ENPP6: variants seen among roughly 807,000 people sequenced by gnomAD.
ENPP6 encodes glycerophosphocholine cholinephosphodiesterase ENPP6.
In ENPP6, 32 loss-of-function variants were observed where a neutral mutation model predicts 42.0. The observed-to-expected ratio is 0.76, with a 90% CI of 0.58 to 1.02. The LOEUF (loss-of-function observed/expected upper bound fraction) is 1.02. Ranked by LOEUF, ENPP6 falls within the 50% of genes least tolerant of loss-of-function variation. The pLI is 0.00. For synonymous variants in ENPP6, 213 were observed against 216.0 expected (o/e 0.99, Z 0.12); for missense variants, 552 against 566.8 (o/e 0.97, Z 0.27).
intron 1 of ENPP6, among the ~76,000 whole-genome samples, chr4:184,198,752 C>T (rs1732843473): frequency 6.6e-6 from 1 of 152,218 alleles, no homozygotes; most frequent in South Asian, 2.1e-4. Context: ...GAGCAAGTCT[C>T]ATTAGATCTG....
In ENPP6 at chr4:184,213,438, C is replaced by T. The variant is rs1265030316; in HGVS notation, c.241+4141G>A. ...TCAAAAAGTGGGCGAAGGACATGAA[C>T]AGACACTTCTCAAAAGAAGACATTT... On this transcript the variant is annotated intron_variant, in intron 1 of 7. Transcript: ENST00000296741. 2.0e-3 allele frequency among the ~76,000 whole-genome samples: 299 copies of T among 152,216 alleles called. 2 individuals are homozygous for T. The highest frequency in any genetic ancestry group is 7.0e-3 in the African/African-American group (290 of 41,502).
At chr4:184,106,864 C>G (rs1289347575) in intron 6 of ENPP6, among the ~76,000 whole-genome samples, 1 of 152,340 alleles carries the variant, frequency 6.6e-6, no homozygotes, top group East Asian at 1.9e-4. Flanking sequence ...CACATATCTG[C>G]TGGTTCGCTA....
At chr4:184,091,424 C>T (rs1477940183) in intron 7 of ENPP6, 42 bp from the exon 8 acceptor site, 1 of 1,561,958 alleles carries the variant, frequency 6.4e-7, no homozygotes, top group South Asian at 1.2e-5. Context: ...ATGGCAGCTC[C>T]AGGGCAGAGG....
intron 3 of ENPP6, 28 bp from the exon 4 acceptor site, chr4:184,117,928 G>A (rs1261478385): frequency 2.5e-6 from 4 of 1,609,120 alleles, no homozygotes; most frequent in Admixed American, 3.4e-5. Context: ...AGAGGCATAG[G>A]TGAGGGAGGC....
At chr4:184,194,859 C>T (rs748774790) in intron 1 of ENPP6, among the ~76,000 whole-genome samples, 8 of 152,114 alleles carry the variant, frequency 5.3e-5, no homozygotes, top group African/African-American at 1.4e-4. Flanking sequence ...TTGGTGGGAA[C>T]GAGTATGGAG....
At chr4:184,169,351 G>T (rs1469992240) in intron 1 of ENPP6, among the ~76,000 whole-genome samples, 1 of 148,880 alleles carries the variant, frequency 6.7e-6, no homozygotes. Context: ...GGGAAGAAAT[G>T]TCCCCATGTG....
intron 2 of ENPP6, among the ~76,000 whole-genome samples, chr4:184,126,598 A>C (rs1291281812): frequency 6.6e-6 from 1 of 152,246 alleles, no homozygotes; most frequent in Non-Finnish European, 1.5e-5. Context: ...GACATACATC[A>C]GAGTGGAAAG....
chr4:184,095,663 A>T (rs574273875), intron 7 of ENPP6, among the ~76,000 whole-genome samples: 5,571 of 147,866 alleles, frequency 0.038, 270 homozygotes, highest in African/African-American at 0.12. Context: ...TCAAAAAAAA[A>T]AAATATATCT....
chr4:184,108,658 T>C (rs1736144260), intron 6 of ENPP6, among the ~76,000 whole-genome samples: 1 of 152,230 alleles, frequency 6.6e-6, no homozygotes, highest in Non-Finnish European at 1.5e-5. Flanking sequence ...GGTGTCTTAA[T>C]AATAAAAATT....
intron 1 of ENPP6, among the ~76,000 whole-genome samples, chr4:184,196,220 C>T (rs1343054045): frequency 2.0e-5 from 3 of 152,236 alleles, no homozygotes; most frequent in East Asian, 1.9e-4. Context: ...AAATAACTGT[C>T]GCCTCAGCGA....
chr4:184,149,214 G>A (rs555650731), intron 2 of ENPP6, among the ~76,000 whole-genome samples: 52 of 152,198 alleles, frequency 3.4e-4, no homozygotes, highest in Middle Eastern at 6.8e-3. Flanking sequence ...GTTTACTCAC[G>A]CCTCTGTATG....
chr4:184,148,428 A>G (rs1465606983), intron 2 of ENPP6, among the ~76,000 whole-genome samples: 3 of 152,246 alleles, frequency 2.0e-5, no homozygotes, highest in African/African-American at 7.2e-5. Context: ...TTAGACAGCT[A>G]TAAAAACTTT....
chr4:184,131,717 T>G (rs1426134926), intron 2 of ENPP6, among the ~76,000 whole-genome samples: 1 of 151,852 alleles, frequency 6.6e-6, no homozygotes, highest in African/African-American at 2.4e-5. Context: ...CACTTGGATT[T>G]GTTGGTTTTC....
chr4:184,179,894 C>T (rs533699487), intron 1 of ENPP6, among the ~76,000 whole-genome samples: 9 of 151,996 alleles, frequency 5.9e-5, no homozygotes, highest in South Asian at 2.1e-4. Flanking sequence ...AAATTTATAG[C>T]ACTGAATGGC....
rs1579666277 is a variant in ENPP6, at chr4:184,206,401, G to T, written c.241+11178C>A. ...GCCTCCCGAGTAGCTGGGACTACAG[G>T]CGGGCGCCACCAGGCCCGGCTAATT... On this transcript the variant is annotated intron_variant, in intron 1 of 7. Coordinates refer to ENST00000296741, the MANE Select transcript of ENPP6 (RefSeq NM_153343.4). Among the ~76,000 whole-genome samples the T allele has an allele frequency of 1.9e-5, 2 of 105,306 alleles. 1 individual carries two copies. The highest frequency in any genetic ancestry group is 3.8e-5 in the Non-Finnish European group (2 of 52,326). The allele number at this position is 105,306 out of a possible 152,430, so 69.1% of individuals were successfully genotyped here.
At chr4:184,143,818 T>A (rs1399333001) in intron 2 of ENPP6, among the ~76,000 whole-genome samples, 4 of 152,160 alleles carry the variant, frequency 2.6e-5, no homozygotes, top group Non-Finnish European at 5.9e-5. Flanking sequence ...TCTGGCTTTT[T>A]AAAAAAACAT....
In ENPP6 at chr4:184,164,069, G is replaced by A. The variant is rs79049228; in HGVS notation, c.242-10336C>T. Among the ~76,000 whole-genome samples the A allele has an allele frequency of 6.1e-3, 925 of 152,292 alleles. 14 individuals carry two copies. Among genetic ancestry groups the A allele is most frequent in the African/African-American group, 0.02 (823 of 41,548 alleles). ...GACCTGGGCTGTGGGCGTCCTGTTCGCCTCTGGGAGATGGTGGCTACAGTG... is the reference window on the plus strand; with the variant it reads ...GACCTGGGCTGTGGGCGTCCTGTTCACCTCTGGGAGATGGTGGCTACAGTG... On this transcript the variant is annotated intron_variant, in intron 1 of 7. Coordinates refer to ENST00000296741, the MANE Select transcript of ENPP6 (RefSeq NM_153343.4).
intron 5 of ENPP6, among the ~76,000 whole-genome samples, chr4:184,113,572 A>T (rs911567404): frequency 1.3e-5 from 2 of 152,334 alleles, no homozygotes; most frequent in South Asian, 4.1e-4. Flanking sequence ...TATTATGTCA[A>T]AACTCCCATG....
intron 1 of ENPP6, among the ~76,000 whole-genome samples, chr4:184,160,831 G>A (rs1185162819): frequency 1.3e-5 from 2 of 152,106 alleles, no homozygotes; most frequent in Non-Finnish European, 1.5e-5. Flanking sequence ...GACATATGTT[G>A]TCTAGAAATG....
Sources: allele counts gnomAD v4.1 joint callset (sites outside exome capture counted in the v4.1 genomes callset), GRCh38; gene constraint gnomAD v4.1.1; transcripts MANE v1.5; gene names NCBI Gene and HGNC (gene_info 2026-07-23, HGNC 2026-07-21).